The following CAMSAP1 variants were observed in gnomAD, a reference collection of about 807,000 sequenced individuals.
CAMSAP1 encodes the protein calmodulin regulated spectrin associated protein 1.
A neutral mutation model predicts 143.5 loss-of-function variants in CAMSAP1; 58 were observed. The ratio of observed to expected loss-of-function variants is 0.40; its 90% CI spans 0.33 to 0.50. The LOEUF is 0.50. Among genes scored for constraint, CAMSAP1 ranks in the 20% least tolerant of loss-of-function variants. The pLI, the probability that CAMSAP1 is intolerant of heterozygous loss-of-function variation, is 0.45. For synonymous variants in CAMSAP1, 945 were observed against 859.3 expected (o/e 1.10, Z -1.74); for missense variants, 1,969 against 2,115.7 (o/e 0.93, Z 1.36).
At position 135,820,863 on chromosome 9, in the gene CAMSAP1, C is replaced by G. The variant is rs1835418674; in HGVS notation, c.3798G>C (p.Lys1266Asn). 1 of 1,613,300 alleles carries G rather than the reference C, an allele frequency of 6.2e-7. No homozygotes were observed. The highest frequency in any genetic ancestry group is 8.5e-7 in the Non-Finnish European group (1 of 1,179,888). ...SADLVSEGDQ[K>N]PGVGFFFKDE... ...CCTTGAAGAAGAAGCCGACCCCCGG[C>G]TTCTGGTCGCCTTCGCTGACAAGGT... Residue 1266 changes from lysine (K) to asparagine (N), a missense_variant, in exon 11 of 17, where the codon AAG (lysine) becomes AAC (asparagine). Lys to Asn is a moderately conservative substitution (Grantham distance 94). Around this residue, in one of 4 missense-constraint regions of CAMSAP1, gnomAD observed 1,390 missense variants for 1,420.8 expected, o/e 0.98. Transcript: ENST00000389532. The surrounding 1 kb of genome is among the most constrained non-coding windows in gnomAD (Gnocchi z 4.4).
At chr9:135,834,543 C>G (rs1017922310) in intron 7 of CAMSAP1, among the ~76,000 whole-genome samples, 18 of 152,232 alleles carry the variant, frequency 1.2e-4, no homozygotes, top group African/African-American at 4.3e-4. Flanking sequence ...GTGAATAAGC[C>G]AGACACAGAA....
In CAMSAP1 at chr9:135,818,372, G is replaced by A. The variant is rs1308743805; in HGVS notation, c.4168+36C>T. On this transcript the variant is annotated intron_variant, in intron 13 of 16. Coordinates refer to ENST00000389532, the MANE Select transcript of CAMSAP1 (RefSeq NM_015447.4). The surrounding 1 kb of genome is among the most constrained non-coding windows in gnomAD (Gnocchi z 7.7). ...GAACGTGAGGCCGCCGCCCGCGGAA[G>A]GAAGCGCTGCCCGCGTGAGGGCCGG... 1.3e-6 allele frequency: 2 copies of A among 1,525,754 alleles called. No individual in the cohort carries two copies. The highest frequency in any genetic ancestry group is 1.2e-5 in the South Asian group (1 of 83,378). The allele number at this position is 1,525,754 out of a possible 1,614,324, so 94.5% of individuals were successfully genotyped here.
At chr9:135,832,182 T>A (rs1036749980) in intron 7 of CAMSAP1, among the ~76,000 whole-genome samples, 1 of 152,142 alleles carries the variant, frequency 6.6e-6, no homozygotes, top group African/African-American at 2.4e-5. Flanking sequence ...AAAATACTAA[T>A]AAACCAAATT....
At position 135,907,066 on chromosome 9, in the gene CAMSAP1, A is replaced by G; in HGVS notation, c.94T>C (p.Tyr32His). 2 of 1,205,018 alleles carry G rather than the reference A, an allele frequency of 1.7e-6. No individual in the cohort carries two copies. The highest frequency in any genetic ancestry group is 2.1e-6 in the Non-Finnish European group (2 of 959,020). 74.6% of individuals were successfully genotyped at this position (1,205,018 alleles called of 1,614,324 possible). A position where few individuals can be genotyped will look rare whatever the true frequency, so the allele number is the denominator to read the frequency against. The part of the protein sequence containing the change: ...GAADLVPLDR[Y>H]DAARAKIAAN... ...GCGATCTTGGCGCGCGCCGCGTCGT[A>G]GCGGTCCAGGGGCACGAGGTCGGCG... The change falls in exon 1 of 17, where the codon TAC becomes CAC. Residue 32 changes from tyrosine (Y) to histidine (H), a missense_variant. Coordinates refer to ENST00000389532, the MANE Select transcript of CAMSAP1 (RefSeq NM_015447.4).
At position 135,886,599 on chromosome 9, in the gene CAMSAP1, G is replaced by A. The variant is rs75062128; in HGVS notation, c.161-3521C>T. Among the ~76,000 whole-genome samples the A allele has an allele frequency of 6.6e-3, 1,000 of 152,322 alleles. 6 individuals carry two copies. The highest frequency in any genetic ancestry group is 0.022 in the African/African-American group (924 of 41,568). ...TGCGCTGGGAGGACCTGGGCCCTGCGGGATCTGTCAGCAGAGCGAGACAGG... is the reference window on the plus strand; with the variant it reads ...TGCGCTGGGAGGACCTGGGCCCTGCAGGATCTGTCAGCAGAGCGAGACAGG... On this transcript the variant is annotated intron_variant, in intron 1 of 16. Coordinates refer to ENST00000389532, the MANE Select transcript of CAMSAP1 (RefSeq NM_015447.4).
intron 7 of CAMSAP1, among the ~76,000 whole-genome samples, chr9:135,839,761 C>T (rs1294838551): frequency 6.6e-6 from 1 of 152,138 alleles, no homozygotes; most frequent in African/African-American, 2.4e-5. Flanking sequence ...CAGGCATACA[C>T]AGCCCAGACC....
At chr9:135,836,849 A>G (rs1588459307) in intron 7 of CAMSAP1, 3 of 981,828 alleles carry the variant, frequency 3.1e-6, no homozygotes, top group Non-Finnish European at 3.6e-6. Flanking sequence ...ACCGACACAC[A>G]TCATGCACTT....
Position 135,823,519 on chromosome 9 carries a change from G to A in CAMSAP1, c.1401-259C>T, listed in dbSNP as rs909437481. On this transcript the variant is annotated intron_variant, in intron 10 of 16. Coordinates refer to ENST00000389532, the MANE Select transcript of CAMSAP1 (RefSeq NM_015447.4). The stretch of plus-strand genomic sequence containing the variant: ...AAAGAGCTTTTGTTTCTATTTATCA[G>A]TATTAATCTCTATTTATCATCCTAC... 1.3e-5 allele frequency among the ~76,000 whole-genome samples: 2 copies of A among 152,162 alleles called. 1 individual carries two copies. Among genetic ancestry groups the A allele is most frequent in the Admixed American group, 1.3e-4 (2 of 15,280 alleles).
intron 7 of CAMSAP1, among the ~76,000 whole-genome samples, chr9:135,846,874 G>A (rs1836575396): frequency 6.6e-6 from 1 of 152,070 alleles, no homozygotes; most frequent in Admixed American, 6.6e-5. Context: ...ATTAAAGTCA[G>A]GCAACAACAG....
At chr9:135,866,613 A>AC (rs893366212) in intron 3 of CAMSAP1, 77 bp from the exon 4 acceptor site, 1 of 733,956 alleles carries the variant, frequency 1.4e-6, no homozygotes, top group African/African-American at 1.7e-5. Context: ...TCCCCCAGAG[A>AC]CCCCCACTTC....
intron 3 of CAMSAP1, among the ~76,000 whole-genome samples, chr9:135,877,202 C>G (rs1837781333): frequency 6.6e-6 from 1 of 151,930 alleles, no homozygotes. Flanking sequence ...AGGTCAATCT[C>G]AGAAACACTT....
chr9:135,839,076 T>C (rs1836242464), intron 7 of CAMSAP1, among the ~76,000 whole-genome samples: 1 of 152,230 alleles, frequency 6.6e-6, no homozygotes, highest in Non-Finnish European at 1.5e-5. Flanking sequence ...TTCTACCCGT[T>C]CTGCAGACAC....
At chr9:135,832,010 C>A (rs1367115532) in intron 7 of CAMSAP1, among the ~76,000 whole-genome samples, 1 of 152,138 alleles carries the variant, frequency 6.6e-6, no homozygotes, top group Non-Finnish European at 1.5e-5. Context: ...CTGAATTCTA[C>A]CAATTCTTCT....
intron 1 of CAMSAP1, among the ~76,000 whole-genome samples, chr9:135,888,950 G>A (rs1838211103): frequency 6.6e-6 from 1 of 152,242 alleles, no homozygotes; most frequent in Non-Finnish European, 1.5e-5. Flanking sequence ...GCCCGGGCAT[G>A]CCACACCAGG....
intron 14 of CAMSAP1, among the ~76,000 whole-genome samples, chr9:135,816,996 G>A (rs1407856153): frequency 6.6e-6 from 1 of 152,172 alleles, no homozygotes; most frequent in Non-Finnish European, 1.5e-5. Context: ...TCACTTCTGG[G>A]CTGCTCAATC....
rs139496287 is a variant in CAMSAP1, at chr9:135,823,101, C to G, written c.1560G>C (p.Thr520=). ...GGCTCTTCCCGTGGCTCTTCGTGGC[C>G]GTGGGGTGTGGCTGGTTCTGTGGGG... ...NLTPQNQPHP[T]ATKSHGKSLL... The change falls in exon 11 of 17, where the codon ACG becomes ACC. Residue 520 remains threonine (T), a synonymous_variant. Transcript: ENST00000389532. The G allele has an allele frequency of 2.5e-6, 4 of 1,613,978 alleles. No individual in the cohort carries two copies. The East Asian group carries it at 6.7e-5, about 27-fold the overall frequency.
In CAMSAP1 at chr9:135,827,262, GA is replaced by G. The variant is rs373338072; in HGVS notation, c.1223+144del. 1.7e-5 allele frequency: 14 copies of G among 808,748 alleles called. No individual in the cohort carries two copies. In the African/African-American group the frequency reaches 2.2e-4, roughly 13 times the overall value. The allele number at this position is 808,748 out of a possible 1,614,324, so 50.1% of individuals were successfully genotyped here. A position where few individuals can be genotyped will look rare whatever the true frequency, so the allele number is the denominator to read the frequency against. On this transcript the variant is annotated intron_variant, in intron 8 of 16. Coordinates refer to ENST00000389532, the MANE Select transcript of CAMSAP1 (RefSeq NM_015447.4). ...CTCTGGAAAGGGGACCGAATGGCCA[GA>G]AGGGCAGGGACAGAAGGAAAATCTT...
At chr9:135,847,221 G>C (rs964622989) in intron 7 of CAMSAP1, among the ~76,000 whole-genome samples, 5 of 151,980 alleles carry the variant, frequency 3.3e-5, no homozygotes, top group African/African-American at 1.2e-4. Context: ...TGGGCATGGT[G>C]GTGGGCACCT....
chr9:135,816,645 C>T (rs1232488145), intron 14 of CAMSAP1, among the ~76,000 whole-genome samples: 1 of 152,182 alleles, frequency 6.6e-6, no homozygotes, highest in Non-Finnish European at 1.5e-5. Flanking sequence ...AATCTGCAGT[C>T]CCTCGGAGGG....
Sources: gnomAD v4.1 joint callset for allele counts (sites outside exome capture counted in the v4.1 genomes callset) on GRCh38, gnomAD v4.1.1 for gene constraint, gnomAD v4.1.1 regional missense constraint, Gnocchi (gnomAD v3.1) non-coding constraint, MANE v1.5 for transcripts, NCBI Gene and HGNC (gene_info 2026-07-23, HGNC 2026-07-21) for gene names.